Variants in MYCBP2 observed in about 807,000 individuals in gnomAD.
The protein encoded by MYCBP2 is MYC binding protein 2, also known as E3 ubiquitin-protein ligase MYCBP2.
A neutral mutation model predicts 525.3 loss-of-function variants in MYCBP2; 120 were observed. The ratio of observed to expected loss-of-function variants is 0.23; its 90% CI spans 0.20 to 0.27. The LOEUF (loss-of-function observed/expected upper bound fraction) is 0.27, where lower values mean the gene tolerates loss of function less well. Among genes scored for constraint, MYCBP2 ranks in the 10% least tolerant of loss-of-function variants. MYCBP2 has a pLI of 1.00. For synonymous variants in MYCBP2, 1,894 were observed against 1,955.8 expected (o/e 0.97, Z 0.83); for missense variants, 4,149 against 5,657.1 (o/e 0.73, Z 8.55).
At chr13:77,210,203 C>CTT (rs1172865301) in intron 23 of MYCBP2, among the ~76,000 whole-genome samples, 6 of 138,218 alleles carry the variant, frequency 4.3e-5, no homozygotes, top group Non-Finnish European at 3.2e-5. Context: ...ATTTTTTTTT[C>CTT]TTTTTTTTTT....
chr13:77,166,957 C>T lies in MYCBP2; in HGVS notation c.6115-403G>A, dbSNP rs558828681. Among the ~76,000 whole-genome samples the T allele has an allele frequency of 1.8e-3, 251 of 142,218 alleles. 4 individuals carry two copies. The highest frequency in any genetic ancestry group is 5.8e-3 in the African/African-American group (223 of 38,474). 93.3% of individuals were successfully genotyped at this position (142,218 alleles called of 152,430 possible). A position where few individuals can be genotyped will look rare whatever the true frequency, so the allele number is the denominator to read the frequency against. ...ACATACACTTAGATGGGATATACTT[C>T]AAAGACAAAACACACACATACACAC... On this transcript the variant is annotated intron_variant, in intron 40 of 82. Transcript: ENST00000544440.
intron 8 of MYCBP2, among the ~76,000 whole-genome samples, chr13:77,264,666 T>C (rs945485254): frequency 1.3e-5 from 2 of 152,198 alleles, no homozygotes; most frequent in South Asian, 4.1e-4. Flanking sequence ...ACTGCATGTA[T>C]CTCCATAGAA....
chr13:77,094,281 G>C (rs1008948036), intron 58 of MYCBP2, among the ~76,000 whole-genome samples: 2 of 152,138 alleles, frequency 1.3e-5, no homozygotes, highest in African/African-American at 4.8e-5. Context: ...TATATGAAAG[G>C]CTCTTTTGGA....
intron 49 of MYCBP2, chr13:77,144,230 T>C (rs904009204): frequency 9.6e-5 from 50 of 522,232 alleles, no homozygotes; most frequent in African/African-American, 8.8e-4. Flanking sequence ...GAGAGAGTCA[T>C]GAGGGCTACA....
intron 80 of MYCBP2, 94 bp downstream of exon 80, chr13:77,055,464 G>A: frequency 9.9e-7 from 1 of 1,010,130 alleles, no homozygotes; most frequent in South Asian, 1.6e-5. Flanking sequence ...TCAGGCTTAA[G>A]ATGGAATAAT....
rs866302076 is a variant in MYCBP2, at chr13:77,206,475, T to C, written c.3589+178A>G. Reference sequence around the variant, plus strand: ...ATACATAAATCTTTGATAGTGTTAGTACAGGTCTCATGTATTGTTTTCTGT... The same window carrying C: ...ATACATAAATCTTTGATAGTGTTAGCACAGGTCTCATGTATTGTTTTCTGT... On this transcript the variant is annotated intron_variant, in intron 24 of 82. Coordinates refer to ENST00000544440, the MANE Select transcript of MYCBP2 (RefSeq NM_015057.5). Among the ~76,000 whole-genome samples, 3 of 152,082 alleles carry C rather than the reference T, an allele frequency of 2.0e-5. No homozygotes were observed. The South Asian group carries it at 6.2e-4, about 31-fold the overall frequency.
At chr13:77,304,278 T>C (rs1162586795) in intron 1 of MYCBP2, among the ~76,000 whole-genome samples, 3 of 152,184 alleles carry the variant, frequency 2.0e-5, no homozygotes, top group Non-Finnish European at 4.4e-5. Context: ...ATATACACAA[T>C]GAAATACCAT....
In MYCBP2 at chr13:77,260,351, T is replaced by A. The variant is rs542475518; in HGVS notation, c.2017+77A>T. 7 of 1,004,246 alleles carry A rather than the reference T, an allele frequency of 7.0e-6. No individual in the cohort carries two copies. The South Asian group carries it at 1.5e-4, about 22-fold the overall frequency. The allele number at this position is 1,004,246 out of a possible 1,614,324, so 62.2% of individuals were successfully genotyped here. A position where few individuals can be genotyped will look rare whatever the true frequency, so the allele number is the denominator to read the frequency against. On this transcript the variant is annotated intron_variant, in intron 13 of 82. Transcript: ENST00000544440. ...GAGAAAGCATGCCACCAACATAAAT[T>A]TTCTAGATATGTCTTTGTCATACAT... is the stretch of plus-strand genomic sequence containing the variant.
rs751973267 is a variant in MYCBP2, at chr13:77,097,595, G to A, written c.9559C>T (p.Pro3187Ser). Residue 3187 changes from proline (P) to serine (S), a missense_variant, in exon 56 of 83, where the codon CCT becomes TCT. This residue lies in a region of MYCBP2 where 653 missense variants were observed against 744.7 expected (regional missense o/e 0.88). Coordinates refer to ENST00000544440, the MANE Select transcript of MYCBP2 (RefSeq NM_015057.5). ...TTTTTAAGAACTGCACAGGAACCAG[G>A]ACTTGGAAAAATCATATTCTGGGAA... is the stretch of plus-strand genomic sequence containing the variant. ...AASQNMIFPS[P>S]GSCAVLKKKE... 6.2e-7 allele frequency: 1 copy of A among 1,613,460 alleles called. No individual in the cohort carries two copies. The highest frequency in any genetic ancestry group is 8.5e-7 in the Non-Finnish European group (1 of 1,179,738).
At chr13:77,050,062 TAGCA>T (rs1179366879) in intron 82 of MYCBP2, among the ~76,000 whole-genome samples, 1 of 152,118 alleles carries the variant, frequency 6.6e-6, no homozygotes, top group Non-Finnish European at 1.5e-5. Context: ...TACTGGACAC[TAGCA>T]TTGTTTATAC....
intron 15 of MYCBP2, among the ~76,000 whole-genome samples, chr13:77,246,054 T>A (rs1265536810): frequency 6.6e-6 from 1 of 151,884 alleles, no homozygotes. Flanking sequence ...TGACTTGGGG[T>A]CAGGGAAAGT....
intron 2 of MYCBP2, among the ~76,000 whole-genome samples, chr13:77,291,504 C>G (rs2077468171): frequency 6.6e-6 from 1 of 152,222 alleles, no homozygotes. Context: ...GGTGCAGTGA[C>G]TCACGCCTGT....
intron 49 of MYCBP2, among the ~76,000 whole-genome samples, chr13:77,142,385 A>G (rs2054817341): frequency 6.6e-6 from 1 of 152,240 alleles, no homozygotes; most frequent in South Asian, 2.1e-4. Context: ...AGAGTGCAGC[A>G]AAGGCTGCTG....
At chr13:77,203,322 G>A (rs2062857524) in intron 26 of MYCBP2, among the ~76,000 whole-genome samples, 2 of 152,078 alleles carry the variant, frequency 1.3e-5, no homozygotes, top group African/African-American at 4.8e-5. Flanking sequence ...AAAATACCTA[G>A]GAATCCAACT....
intron 82 of MYCBP2, 58 bp from the exon 83 acceptor site, chr13:77,045,551 A>T: frequency 9.8e-7 from 1 of 1,016,906 alleles, no homozygotes; most frequent in Non-Finnish European, 1.5e-6. Flanking sequence ...ACACATATAA[A>T]CCTCACAGAA....
rs1013268891 is a variant in MYCBP2 at position 77,268,017 on chromosome 13, C to T, written c.1261-80G>A. 32 of 826,612 alleles carry T rather than the reference C, an allele frequency of 3.9e-5. 1 individual carries two copies. In the Admixed American group the frequency reaches 7.2e-4, roughly 19 times the overall value. The allele number at this position is 826,612 out of a possible 1,614,324, so 51.2% of individuals were successfully genotyped here. ...ACAGCAGCCATACAGCTCCATATTA[C>T]AGGTTTTTGAGGTACAATAATACAT... On this transcript the variant is annotated intron_variant, in intron 7 of 82. Coordinates refer to ENST00000544440, the MANE Select transcript of MYCBP2 (RefSeq NM_015057.5).
chr13:77,108,656 A>G (rs575057480), intron 55 of MYCBP2, among the ~76,000 whole-genome samples: 2 of 152,280 alleles, frequency 1.3e-5, no homozygotes, highest in African/African-American at 4.8e-5. Context: ...GCACAAAGAC[A>G]GCTAAAACCT....
chr13:77,274,210 T>C (rs2075242097), intron 4 of MYCBP2, among the ~76,000 whole-genome samples: 1 of 152,326 alleles, frequency 6.6e-6, no homozygotes, highest in African/African-American at 2.4e-5. Context: ...CCCCCTTTAA[T>C]AATGAAATTG....
intron 21 of MYCBP2, among the ~76,000 whole-genome samples, chr13:77,216,016 G>T (rs889759674): frequency 6.6e-6 from 1 of 152,156 alleles, no homozygotes; most frequent in Non-Finnish European, 1.5e-5. Flanking sequence ...AAAGAATCAG[G>T]GTTCTTGGAG....
Sources: allele counts gnomAD v4.1 joint callset (sites outside exome capture counted in the v4.1 genomes callset), GRCh38; gene constraint gnomAD v4.1.1; regional missense constraint gnomAD v4.1.1; transcripts MANE v1.5; gene names NCBI Gene and HGNC (gene_info 2026-07-23, HGNC 2026-07-21).